Variants in PLA2G4A observed in about 807,000 individuals in gnomAD.
PLA2G4A encodes phospholipase A2 group IVA.
In PLA2G4A, 40 loss-of-function variants were observed where a neutral mutation model predicts 81.9. The observed-to-expected ratio is 0.49, with a 90% CI of 0.38 to 0.64. The LOEUF is 0.64. PLA2G4A is among the 30% of genes least tolerant of loss of function. The pLI is 0.00. For synonymous variants in PLA2G4A, 302 were observed against 296.9 expected, an observed-to-expected ratio of 1.02 and a Z score of -0.18; for missense variants, 715 against 905.1, an observed-to-expected ratio of 0.79 and a Z score of 2.69.
chr1:186,972,093 A>G (rs556122603), intron 15 of PLA2G4A, among the ~76,000 whole-genome samples: 1 of 152,154 alleles, frequency 6.6e-6, no homozygotes, highest in South Asian at 2.1e-4. Flanking sequence ...GATAAAAGCA[A>G]CCACAATTTA....
intron 7 of PLA2G4A, among the ~76,000 whole-genome samples, chr1:186,931,624 T>C (rs1655748483): frequency 6.6e-6 from 1 of 151,942 alleles, no homozygotes; most frequent in Non-Finnish European, 1.5e-5. Flanking sequence ...TTCTAAGTTC[T>C]TATCTGGCTT....
chr1:186,959,222 T>C (rs534171364), intron 14 of PLA2G4A, among the ~76,000 whole-genome samples: 1 of 152,128 alleles, frequency 6.6e-6, no homozygotes, highest in East Asian at 1.9e-4. Flanking sequence ...TAAAAGAATA[T>C]GAGTTGATTG....
intron 2 of PLA2G4A, among the ~76,000 whole-genome samples, chr1:186,867,090 C>G (rs1309076851): frequency 1.3e-5 from 2 of 152,082 alleles, no homozygotes; most frequent in South Asian, 4.1e-4. Context: ...CAGTATCACA[C>G]TGTCTTGATT....
At chr1:186,919,688 G>T (rs2102175189) in intron 7 of PLA2G4A, among the ~76,000 whole-genome samples, 1 of 152,280 alleles carries the variant, frequency 6.6e-6, no homozygotes, top group Middle Eastern at 3.4e-3. Flanking sequence ...ACAGCTTCTG[G>T]CTCTCAGGAG....
intron 14 of PLA2G4A, among the ~76,000 whole-genome samples, chr1:186,964,928 C>A (rs945172275): frequency 2.6e-5 from 4 of 152,222 alleles, no homozygotes; most frequent in Admixed American, 2.0e-4. Context: ...GGGAACCATA[C>A]AGAGTCTGCC....
chr1:186,855,973 C>T (rs2102029720), intron 2 of PLA2G4A, among the ~76,000 whole-genome samples: 1 of 152,014 alleles, frequency 6.6e-6, no homozygotes, highest in Middle Eastern at 3.4e-3. Context: ...GTAAATCCTC[C>T]AATTTTTTCT....
rs919813997 is a variant in PLA2G4A, at chr1:186,976,359, C to A, written c.1765-1234C>A. Among the ~76,000 whole-genome samples, 10 of 152,196 alleles carry A rather than the reference C, an allele frequency of 6.6e-5. No homozygotes were observed. The East Asian group carries it at 1.9e-3, about 29-fold the overall frequency. ...TAATGTTCTTATCTCTCTTCCCTTTCTTTATCCTCTTTTGTTTTCCTTACT... is the reference window on the plus strand; with the variant it reads ...TAATGTTCTTATCTCTCTTCCCTTTATTTATCCTCTTTTGTTTTCCTTACT... On this transcript the variant is annotated intron_variant, in intron 15 of 17. Coordinates refer to ENST00000367466, the MANE Select transcript of PLA2G4A (RefSeq NM_024420.3).
chr1:186,976,925 G>T (rs147088941), intron 15 of PLA2G4A, among the ~76,000 whole-genome samples: 2 of 152,076 alleles, frequency 1.3e-5, no homozygotes, highest in Non-Finnish European at 2.9e-5. Flanking sequence ...TCATTCTGGC[G>T]GGAATGTATA....
At chr1:186,893,485 C>T (rs185055214) in intron 4 of PLA2G4A, among the ~76,000 whole-genome samples, 1 of 152,134 alleles carries the variant, frequency 6.6e-6, no homozygotes, top group East Asian at 1.9e-4. Flanking sequence ...TAATTTTTCC[C>T]AAAATATTTG....
At chr1:186,926,953 A>G (rs1282826031) in intron 7 of PLA2G4A, among the ~76,000 whole-genome samples, 2 of 152,216 alleles carry the variant, frequency 1.3e-5, no homozygotes, top group Non-Finnish European at 2.9e-5. Context: ...TTTTTAAATT[A>G]GTTTTCCTGG....
At chr1:186,977,853 A>G (rs1657586954) in intron 16 of PLA2G4A, 65 bp downstream of exon 16, 1 of 1,015,128 alleles carries the variant, frequency 9.9e-7, no homozygotes, top group African/African-American at 1.6e-5. Context: ...CTGACATTAA[A>G]CTGTTTCACT....
intron 6 of PLA2G4A, among the ~76,000 whole-genome samples, chr1:186,910,123 T>G (rs1654889970): frequency 6.6e-6 from 1 of 152,292 alleles, no homozygotes; most frequent in Non-Finnish European, 1.5e-5. Flanking sequence ...GGTACCTATA[T>G]TTGTCCTTTG....
chr1:186,920,027 C>T (rs529201545), intron 7 of PLA2G4A, among the ~76,000 whole-genome samples: 74 of 152,286 alleles, frequency 4.9e-4, no homozygotes, highest in African/African-American at 1.7e-3. Context: ...CCAGGCTTAA[C>T]GTCTATGAGC....
intron 2 of PLA2G4A, among the ~76,000 whole-genome samples, chr1:186,858,199 T>C (rs1043994661): frequency 6.6e-6 from 1 of 152,172 alleles, no homozygotes; most frequent in African/African-American, 2.4e-5. Context: ...TCCACAATGG[T>C]TGAACTAGTT....
At position 186,988,373 on chromosome 1, in the gene PLA2G4A, G is replaced by A; in HGVS notation, c.2119-4G>A. On this transcript the variant is annotated splice_polypyrimidine_tract_variant and splice_region_variant and intron_variant, in intron 17 of 17. Coordinates refer to ENST00000367466, the MANE Select transcript of PLA2G4A (RefSeq NM_024420.3). Reference sequence around the variant, plus strand: ...AATTATACAACTTCTGTCTCTATTTGCAGGTGATAAAAGAAGCCATGGTTG... The same window carrying A: ...AATTATACAACTTCTGTCTCTATTTACAGGTGATAAAAGAAGCCATGGTTG... 1 of 1,608,498 alleles carries A rather than the reference G, an allele frequency of 6.2e-7. No individual in the cohort carries two copies. Among genetic ancestry groups the A allele is most frequent in the South Asian group, 1.1e-5 (1 of 90,912 alleles).
chr1:186,981,575 T>G (rs1657719183), intron 17 of PLA2G4A, among the ~76,000 whole-genome samples: 1 of 152,210 alleles, frequency 6.6e-6, no homozygotes, highest in Non-Finnish European at 1.5e-5. Context: ...ATATACAAAA[T>G]ATAAAATTTA....
At chr1:186,830,978 C>A (rs1369172148) in intron 1 of PLA2G4A, among the ~76,000 whole-genome samples, 37 of 133,612 alleles carry the variant, frequency 2.8e-4, no homozygotes, top group African/African-American at 1.1e-3. Context: ...TTCTTTCTTT[C>A]TTTCTTTCTT....
At chr1:186,886,502 C>A (rs1653942735) in intron 3 of PLA2G4A, among the ~76,000 whole-genome samples, 1 of 152,188 alleles carries the variant, frequency 6.6e-6, no homozygotes, top group African/African-American at 2.4e-5. Flanking sequence ...AATGTTATTA[C>A]ATCATAAATA....
chr1:186,851,008 C>T (rs541190771), intron 1 of PLA2G4A, among the ~76,000 whole-genome samples: 1 of 152,100 alleles, frequency 6.6e-6, no homozygotes, highest in African/African-American at 2.4e-5. Context: ...AAAAGCAAAT[C>T]ATATGCATTG....
Sources: allele counts gnomAD v4.1 joint callset (sites outside exome capture counted in the v4.1 genomes callset), GRCh38; gene constraint gnomAD v4.1.1; transcripts MANE v1.5; gene names NCBI Gene and HGNC (gene_info 2026-07-23, HGNC 2026-07-21).